GGT1: variants seen among roughly 807,000 people sequenced by gnomAD.
GGT1 encodes the protein gamma-glutamyltransferase 1.
A neutral mutation model predicts 56.0 loss-of-function variants in GGT1; 21 were observed. The observed-to-expected ratio is 0.38, with a 90% CI of 0.27 to 0.54. The LOEUF (loss-of-function observed/expected upper bound fraction) is 0.54, where lower values mean the gene tolerates loss of function less well. Among genes scored for constraint, GGT1 ranks in the 20% least tolerant of loss-of-function variants. The pLI is 0.82. For missense variants in GGT1, 466 were observed against 787.0 expected (o/e 0.59, Z 4.88); for synonymous variants, 238 against 342.6 (o/e 0.69, Z 3.37).
chr22:24,589,553 C>T, the GGT1 span: 5 of 472,540 alleles, frequency 1.1e-5, no homozygotes, highest in African/African-American at 4.1e-5. Context: ...GGTCTGGGCC[C>T]CCAGGCCTGG....
At chr22:24,607,160 G>A (rs3876100) in intron 1 of GGT1, among the ~76,000 whole-genome samples, 176 of 147,334 alleles carry the variant, frequency 1.2e-3, no homozygotes, top group African/African-American at 4.2e-3. Flanking sequence ...TGGGCTGTTC[G>A]GGTGGTTCCT....
Position 24,620,691 on chromosome 22 carries a change from G to A in GGT1, c.575+171G>A, listed in dbSNP as rs2047362815. ...GTGTGGGGACACATTCTGAGCGTGG[G>A]GTCCCAGTGGCCACTGTGGCTGGCC... is the stretch of plus-strand genomic sequence containing the variant. On this transcript the variant is annotated intron_variant, in intron 8 of 15. Coordinates refer to ENST00000400382, the MANE Select transcript of GGT1 (RefSeq NM_001288833.2). This position sits in a 1 kb window ranked among gnomAD's most constrained non-coding sequence, Gnocchi z 5.6. 5.5e-6 allele frequency: 8 copies of A among 1,457,420 alleles called. No individual in the cohort carries two copies. Among genetic ancestry groups the A allele is most frequent in the African/African-American group, 1.4e-5 (1 of 70,084 alleles). 90.3% of individuals were successfully genotyped at this position (1,457,420 alleles called of 1,614,324 possible).
intron 4 of GGT1, 83 bp from the exon 5 acceptor site, chr22:24,610,992 G>C (rs759584391): frequency 1.5e-6 from 2 of 1,297,090 alleles, no homozygotes; most frequent in African/African-American, 2.9e-5. Context: ...TCTGAGGCCC[G>C]ACTTTAGACT....
chr22:24,607,134 C>G (rs1413264318), intron 1 of GGT1, among the ~76,000 whole-genome samples: 1 of 152,230 alleles, frequency 6.6e-6, no homozygotes, highest in Non-Finnish European at 1.5e-5. Flanking sequence ...CAGGCCCTCT[C>G]TGGGCCCTGC....
At chr22:24,592,878 C>T (rs1474201520), upstream of GGT1, 8 of 1,283,206 alleles carry the variant, frequency 6.2e-6, no homozygotes, top group Non-Finnish European at 4.9e-6. Context: ...GCAGGAGGCG[C>T]AGCAGCTGCC....
At chr22:24,623,086 T>G in intron 9 of GGT1, 21 bp from the exon 10 acceptor site, 5 of 1,611,754 alleles carry the variant, frequency 3.1e-6, no homozygotes, top group Non-Finnish European at 4.2e-6. Context: ...AGCACCCATT[T>G]GAGCTGCTGT....
the GGT1 span, chr22:24,589,035 G>C: frequency 9.8e-7 from 1 of 1,023,066 alleles, no homozygotes; most frequent in East Asian, 1.1e-4. Context: ...TGCAAGCCCT[G>C]GCTGTTCCTG....
chr22:24,605,461 T>C (rs1299975222), intron 1 of GGT1, among the ~76,000 whole-genome samples: 1 of 78,376 alleles, frequency 1.3e-5, no homozygotes, highest in South Asian at 3.7e-4. Context: ...GTATTATATA[T>C]AATATAATAT....
the GGT1 span, among the ~76,000 whole-genome samples, chr22:24,584,127 A>G: frequency 6.6e-6 from 1 of 152,064 alleles, no homozygotes; most frequent in African/African-American, 2.4e-5. Flanking sequence ...GAGCCTGAAC[A>G]CCCTGTTCCA....
chr22:24,626,517 C>T (rs1221910182), intron 11 of GGT1, among the ~76,000 whole-genome samples: 8 of 151,446 alleles, frequency 5.3e-5, no homozygotes, highest in Non-Finnish European at 8.8e-5. Context: ...TTTTTTAATA[C>T]GTGCACCCAT....
intron 1 of GGT1, among the ~76,000 whole-genome samples, chr22:24,604,484 TGTGTGTGTGCGCACGTGCTTGCAC>T (rs891798197): frequency 3.3e-5 from 5 of 152,038 alleles, no homozygotes; most frequent in Admixed American, 2.6e-4. Flanking sequence ...GAGGCTCAGT[TGTGTGTGTGCGCACGTGCTTGCAC>T]GTGTGTTGGA....
At chr22:24,588,934 G>A in the GGT1 span, 1 of 1,003,576 alleles carries the variant, frequency 1.0e-6, no homozygotes. Context: ...GAGGTGCGCG[G>A]CCCACAAAGC....
intron 1 of GGT1, among the ~76,000 whole-genome samples, chr22:24,597,696 C>T (rs1601610231): frequency 6.6e-6 from 1 of 152,048 alleles, no homozygotes; most frequent in Admixed American, 6.6e-5. Flanking sequence ...CACACACACA[C>T]ACACACACAC....
rs567114747 is a variant in GGT1 at position 24,624,182 on chromosome 22, T to G, written c.1020+266T>G. The G allele has an allele frequency of 3.5e-5, 34 of 985,266 alleles. No homozygotes were observed. In the African/African-American group the frequency reaches 5.1e-4, roughly 15 times the overall value. 61.0% of individuals were successfully genotyped at this position (985,266 alleles called of 1,614,324 possible). A position where few individuals can be genotyped will look rare whatever the true frequency, so the allele number is the denominator to read the frequency against. On this transcript the variant is annotated intron_variant, in intron 11 of 15. Coordinates refer to ENST00000400382, the MANE Select transcript of GGT1 (RefSeq NM_001288833.2). The stretch of plus-strand genomic sequence containing the variant: ...CATGCTGTGGTTCTCGAGTGCTCAG[T>G]GCTGAGATGAGGAATGCATGGGGGC...
intron 1 of GGT1, among the ~76,000 whole-genome samples, chr22:24,595,669 G>A (rs2045680928): frequency 1.3e-5 from 2 of 152,230 alleles, no homozygotes; most frequent in African/African-American, 4.8e-5. Context: ...TAGGCTCCAA[G>A]TGGGACCTGC....
chr22:24,620,386 G>T lies in GGT1; in HGVS notation c.441G>T (p.Arg147=). The T allele has an allele frequency of 6.2e-7, 1 of 1,611,488 alleles. No homozygotes were observed. The highest frequency in any genetic ancestry group is 8.5e-7 in the Non-Finnish European group (1 of 1,179,708). The stretch of plus-strand genomic sequence containing the variant: ...GAGGCTATGAGCTGGCACACCAGCG[G>T]CATGGGCGGCTGCCCTGGGCTCGCC... ...EIRGYELAHQ[R]HGRLPWARLF... is the part of the protein sequence containing the mutation. Residue 147 remains arginine, a synonymous_variant, in exon 8 of 16, where the codon CGG becomes CGT. Transcript: ENST00000400382. The surrounding 1 kb of genome is among the most constrained non-coding windows in gnomAD (Gnocchi z 5.6).
At chr22:24,593,199 T>A, upstream of GGT1, 5 of 741,066 alleles carry the variant, frequency 6.7e-6, no homozygotes, top group Non-Finnish European at 8.3e-6. Flanking sequence ...GCGAGGCCAG[T>A]GGGTTCCTCG....
In GGT1 at chr22:24,610,269, A is replaced by C. The variant is rs552902609; in HGVS notation, c.-270A>C. 4 of 299,110 alleles carry C rather than the reference A, an allele frequency of 1.3e-5. No homozygotes were observed. The highest frequency in any genetic ancestry group is 1.0e-4 in the South Asian group (4 of 38,580). 18.5% of individuals were successfully genotyped at this position (299,110 alleles called of 1,614,324 possible). ...CTCCAGAGTTCAACTGGAGACAGAG[A>C]AACCAGCTAGAGGCAGAGGGAGGTA... On this transcript the variant is annotated 5_prime_UTR_variant, in exon 4 of 16. Coordinates refer to ENST00000400382, the MANE Select transcript of GGT1 (RefSeq NM_001288833.2).
chr22:24,603,765 G>A (rs940352229), intron 1 of GGT1, among the ~76,000 whole-genome samples: 3 of 151,798 alleles, frequency 2.0e-5, no homozygotes, highest in African/African-American at 7.3e-5. Context: ...GAGTGGGGGC[G>A]GGGGGTCAGC....
Sources: allele counts gnomAD v4.1 joint callset (sites outside exome capture counted in the v4.1 genomes callset), GRCh38; gene constraint gnomAD v4.1.1; non-coding constraint Gnocchi (gnomAD v3.1); transcripts MANE v1.5; gene names NCBI Gene and HGNC (gene_info 2026-07-23, HGNC 2026-07-21).